The following RFC1 variants were observed in gnomAD, a reference collection of about 807,000 sequenced individuals.
RFC1 encodes the protein replication factor C subunit 1.
A neutral mutation model predicts 137.4 loss-of-function variants in RFC1; 37 were observed. The ratio of observed to expected loss-of-function variants is 0.27; its 90% CI spans 0.21 to 0.35. The LOEUF (loss-of-function observed/expected upper bound fraction) is 0.35, where lower values mean the gene tolerates loss of function less well. Ranked by LOEUF, RFC1 falls within the 10% of genes least tolerant of loss-of-function variation. The probability of loss-of-function intolerance (pLI) is 1.00; values close to 1 mark genes in which losing one functional copy is unlikely to be tolerated. For synonymous variants in RFC1, 429 were observed against 455.7 expected (o/e 0.94, Z 0.75); for missense variants, 1,205 against 1,358.5 (o/e 0.89, Z 1.78).
chr4:39,342,607 T>C, intron 3 of RFC1, 140 bp from the exon 4 acceptor site: 1 of 750,796 alleles, frequency 1.3e-6, no homozygotes, highest in Non-Finnish European at 2.1e-6. Context: ...CAGGTTACTT[T>C]TACTCAGTGC....
At chr4:39,336,401 T>C (rs1376919268) in intron 4 of RFC1, among the ~76,000 whole-genome samples, 2 of 152,224 alleles carry the variant, frequency 1.3e-5, no homozygotes, top group African/African-American at 4.8e-5. Flanking sequence ...AGGAGCAGCA[T>C]ATGGCACTCA....
intron 3 of RFC1, among the ~76,000 whole-genome samples, chr4:39,342,744 T>A (rs1455945577): frequency 6.6e-6 from 1 of 152,192 alleles, no homozygotes; most frequent in Non-Finnish European, 1.5e-5. Context: ...CAAATATGGG[T>A]CTCACTGGGC....
rs1257152123 is a variant in RFC1 at position 39,364,100 on chromosome 4, A to AAAG, written c.3+2136_3+2138dup. ...GCCTTTAAAAAAAAAAAAAAAAAAA[A>AAAG]AAGAAGAAGAAGATAGGTCAATCCC... On this transcript the variant is annotated intron_variant, in intron 1 of 24. Transcript: ENST00000349703. Among the ~76,000 whole-genome samples the AAAG allele has an allele frequency of 1.4e-3, 183 of 135,132 alleles. 7 individuals carry two copies. Among genetic ancestry groups the AAAG allele is most frequent in the Middle Eastern group, 7.4e-3 (2 of 272 alleles). The allele number at this position is 135,132 out of a possible 152,430, so 88.7% of individuals were successfully genotyped here.
Position 39,321,324 on chromosome 4 carries a change from A to G in RFC1, c.771T>C (p.Asn257=). 1 of 1,613,378 alleles carries G rather than the reference A, an allele frequency of 6.2e-7. No homozygotes were observed. The highest frequency in any genetic ancestry group is 8.5e-7 in the Non-Finnish European group (1 of 1,179,668). ...ATTTATGTTTTTCTGCTTTACTTAA[A>G]TTGGCTTGGACAGATGAAAACGTTT... ...AGETFSSVQA[N]LSKAEKHKYP... is the part of the protein sequence containing the mutation. The change falls in exon 8 of 25, where the codon AAT becomes AAC. Residue 257 remains asparagine, a synonymous_variant. Coordinates refer to ENST00000349703, the MANE Select transcript of RFC1 (RefSeq NM_002913.5).
chr4:39,342,545 G>T, intron 3 of RFC1, 78 bp from the exon 4 acceptor site: 2 of 1,406,604 alleles, frequency 1.4e-6, no homozygotes, highest in Middle Eastern at 1.9e-4. Context: ...TAGTCACGGT[G>T]AACCAATTCC....
rs574954064 is a variant in RFC1 at position 39,312,629 on chromosome 4, T to C, written c.1383+123A>G. 9.7e-6 allele frequency: 9 copies of C among 926,530 alleles called. No homozygotes were observed. The African/African-American group carries it at 1.3e-4, about 14-fold the overall frequency. 57.4% of individuals were successfully genotyped at this position (926,530 alleles called of 1,614,324 possible). A position where few individuals can be genotyped will look rare whatever the true frequency, so the allele number is the denominator to read the frequency against. On this transcript the variant is annotated intron_variant, in intron 11 of 24. Coordinates refer to ENST00000349703, the MANE Select transcript of RFC1 (RefSeq NM_002913.5). ...ACACTTCTGTGGAGAAGAAATAATG[T>C]AGGCAAGAAATTACTTTTCTATTTC... is the stretch of plus-strand genomic sequence containing the variant.
chr4:39,333,611 A>C (rs1740213244), intron 4 of RFC1, among the ~76,000 whole-genome samples: 1 of 152,094 alleles, frequency 6.6e-6, no homozygotes, highest in African/African-American at 2.4e-5. Context: ...CTGTCAAAAA[A>C]ACAAAATACA....
At chr4:39,300,575 T>C (rs890985779) in intron 19 of RFC1, among the ~76,000 whole-genome samples, 161 bp from the exon 20 acceptor site, 2 of 152,170 alleles carry the variant, frequency 1.3e-5, no homozygotes, top group Admixed American at 1.3e-4. Context: ...AAACATACTC[T>C]TACCACGCGA....
intron 24 of RFC1, among the ~76,000 whole-genome samples, chr4:39,289,150 A>G (rs898884013): frequency 3.9e-5 from 6 of 152,236 alleles, no homozygotes; most frequent in African/African-American, 1.4e-4. Flanking sequence ...AAAATAAGCA[A>G]GAGGTAATTG....
chr4:39,305,929 A>C (rs1331756067), intron 14 of RFC1, among the ~76,000 whole-genome samples: 2 of 152,266 alleles, frequency 1.3e-5, no homozygotes. Context: ...ATGCAGATGC[A>C]TACAACAAAA....
Position 39,302,568 on chromosome 4 carries a change from C to T in RFC1, c.2368G>A (p.Glu790Lys), listed in dbSNP as rs1738416055. 6.2e-7 allele frequency: 1 copy of T among 1,611,168 alleles called. No individual in the cohort carries two copies. Among genetic ancestry groups the T allele is most frequent in the South Asian group, 1.1e-5 (1 of 90,706 alleles). The change falls in exon 18 of 25, where the codon GAA (glutamate) becomes AAA (lysine). Residue 790 changes from glutamate (E) to lysine (K), a missense_variant. Coordinates refer to ENST00000349703, the MANE Select transcript of RFC1 (RefSeq NM_002913.5). ...GCTGGAGGGGGAATCTTTAAACCTT[C>T]TTTAAATGCAATAGACATCATAGCA... ...KGAMMSIAFK[E>K]GLKIPPPAMN...
intron 3 of RFC1, among the ~76,000 whole-genome samples, chr4:39,342,672 T>C (rs1465496089): frequency 1.3e-5 from 2 of 152,184 alleles, no homozygotes; most frequent in East Asian, 1.9e-4. Context: ...ACAAACTTAG[T>C]GGCTTAAAAC....
intron 4 of RFC1, among the ~76,000 whole-genome samples, chr4:39,329,589 T>A (rs1263036648): frequency 6.6e-6 from 1 of 150,646 alleles, no homozygotes; most frequent in South Asian, 2.1e-4. Context: ...AAAGAAAAAT[T>A]AAGCTGGGCA....
Position 39,323,350 on chromosome 4 carries a change from T to C in RFC1, c.710A>G (p.Lys237Arg). The change falls in exon 7 of 25, where the codon AAG becomes AGG. Residue 237 changes from lysine (K) to arginine (R), a missense_variant. Transcript: ENST00000349703. ...CCAACATTATGCCACCTTTTTGGTC[T>C]TGGGTTCTTCATCCAACATGGCTAA... Reference protein sequence around the residue: ...RTLAMLDEEPKTKKARKDTEA... With the variant: ...RTLAMLDEEPRTKKARKDTEA... 6.2e-7 allele frequency: 1 copy of C among 1,614,066 alleles called. No homozygotes were observed. Among genetic ancestry groups the C allele is most frequent in the Non-Finnish European group, 8.5e-7 (1 of 1,179,936 alleles).
In RFC1 at chr4:39,363,436, AT is replaced by A. The variant is rs1741855606; in HGVS notation, c.3+2802del. On this transcript the variant is annotated intron_variant, in intron 1 of 24. Transcript: ENST00000349703. ...AATTTTATATTTTGGCAATTGTTTC[AT>A]ATCAGAGTATAAAGTTTTCTCATTT... is the stretch of plus-strand genomic sequence containing the variant. Among the ~76,000 whole-genome samples the A allele has an allele frequency of 2.0e-5, 3 of 152,206 alleles. No individual in the cohort carries two copies. The South Asian group carries it at 6.2e-4, about 31-fold the overall frequency.
At chr4:39,356,269 C>T (rs143369173) in intron 1 of RFC1, among the ~76,000 whole-genome samples, 5 of 152,042 alleles carry the variant, frequency 3.3e-5, no homozygotes, top group South Asian at 2.1e-4. Flanking sequence ...CTTGGTGGTA[C>T]GTGCCTGTAA....
chr4:39,291,597 G>T, intron 23 of RFC1, 42 bp downstream of exon 23: 1 of 1,366,218 alleles, frequency 7.3e-7, no homozygotes, highest in Non-Finnish European at 1.0e-6. Flanking sequence ...TACAAACCTG[G>T]TAATAGAAAG....
In RFC1 at chr4:39,303,100, A is replaced by G. The variant is rs1738452874; in HGVS notation, c.2162T>C (p.Val721Ala). The G allele has an allele frequency of 4.3e-6, 7 of 1,613,982 alleles. No individual in the cohort carries two copies. Among genetic ancestry groups the G allele is most frequent in the Non-Finnish European group, 5.9e-6 (7 of 1,179,920 alleles). Residue 721 changes from valine (V) to alanine (A), a missense_variant, in exon 16 of 25, where the codon GTA becomes GCA. By Grantham distance (64) the Val-to-Ala change is moderately conservative. Around this residue, in one of 3 missense-constraint regions of RFC1, gnomAD observed 962 missense variants for 1,035.3 expected, o/e 0.93. Transcript: ENST00000349703. ...ATCCTCATTGCCTGCCATGCCATCT[A>G]CTTCATCCATGATGAGAGCATGTTT... Reference protein sequence around the residue: ...STKHALIMDEVDGMAGNEDRG... With the variant: ...STKHALIMDEADGMAGNEDRG...
At chr4:39,299,315 G>T (rs1034319721) in intron 21 of RFC1, among the ~76,000 whole-genome samples, 3 of 152,092 alleles carry the variant, frequency 2.0e-5, no homozygotes, top group Non-Finnish European at 1.5e-5. Context: ...AGCTCTGAAG[G>T]CTGTGAGACC....
Sources: allele counts gnomAD v4.1 joint callset (sites outside exome capture counted in the v4.1 genomes callset), GRCh38; gene constraint gnomAD v4.1.1; regional missense constraint gnomAD v4.1.1; transcripts MANE v1.5; gene names NCBI Gene and HGNC (gene_info 2026-07-23, HGNC 2026-07-21).